PAWR: variants seen among roughly 807,000 people sequenced by gnomAD.
PAWR encodes the protein pro-apoptotic WT1 regulator.
In PAWR, 23 loss-of-function variants were observed where a neutral mutation model predicts 32.0. That is an observed-to-expected ratio of 0.72 (90% CI 0.52 to 1.02). The LOEUF (loss-of-function observed/expected upper bound fraction) is 1.02, where lower values mean the gene tolerates loss of function less well. Ranked by LOEUF, PAWR falls within the 50% of genes least tolerant of loss-of-function variation. The probability of loss-of-function intolerance (pLI) is 0.00; values close to 1 mark genes in which losing one functional copy is unlikely to be tolerated. For synonymous variants in PAWR, 226 were observed against 187.1 expected, an observed-to-expected ratio of 1.21 and a Z score of -1.70; for missense variants, 457 against 437.7, an observed-to-expected ratio of 1.04 and a Z score of -0.39.
intron 2 of PAWR, among the ~76,000 whole-genome samples, chr12:79,662,652 GAAGCCCAGCTCTT>G (rs1337170769): frequency 6.6e-6 from 1 of 152,150 alleles, no homozygotes; most frequent in Non-Finnish European, 1.5e-5. Flanking sequence ...CAAAAAAGCA[GAAGCCCAGCTCTT>G]TATGGATTCC....
chr12:79,675,008 C>T (rs984229553), intron 2 of PAWR, among the ~76,000 whole-genome samples: 1 of 152,112 alleles, frequency 6.6e-6, no homozygotes. Flanking sequence ...GGAGATTTCT[C>T]AATGAACTTA....
intron 4 of PAWR, among the ~76,000 whole-genome samples, chr12:79,605,343 A>T (rs1874130211): frequency 6.6e-6 from 1 of 152,216 alleles, no homozygotes; most frequent in Admixed American, 6.5e-5. Context: ...CCTGAGAGCT[A>T]GACAAGTCCA....
chr12:79,651,124 G>C (rs1285509629), intron 2 of PAWR, among the ~76,000 whole-genome samples: 1 of 152,182 alleles, frequency 6.6e-6, no homozygotes, highest in Non-Finnish European at 1.5e-5. Context: ...GGGTGCTGGA[G>C]TAAATGGCCT....
intron 2 of PAWR, among the ~76,000 whole-genome samples, chr12:79,661,388 C>T (rs1264552112): frequency 6.6e-6 from 1 of 151,946 alleles, no homozygotes; most frequent in Non-Finnish European, 1.5e-5. Flanking sequence ...CATTAACAAC[C>T]TTGAAAGAAA....
intron 2 of PAWR, among the ~76,000 whole-genome samples, chr12:79,630,950 TA>T (rs917310079): frequency 6.6e-6 from 1 of 151,334 alleles, no homozygotes; most frequent in African/African-American, 2.4e-5. Context: ...AATTTTAGCA[TA>T]AAAAATGCAA....
intron 2 of PAWR, among the ~76,000 whole-genome samples, chr12:79,623,062 T>C (rs547476374): frequency 1.3e-5 from 2 of 152,210 alleles, no homozygotes; most frequent in East Asian, 3.9e-4. Context: ...GGGAAGAACC[T>C]GGAAATAGCA....
At chr12:79,643,344 G>A (rs1876420708) in intron 2 of PAWR, among the ~76,000 whole-genome samples, 1 of 152,014 alleles carries the variant, frequency 6.6e-6, no homozygotes, top group Non-Finnish European at 1.5e-5. Context: ...AAGAAGTAAT[G>A]AAAATATACA....
intron 4 of PAWR, chr12:79,604,665 C>G: frequency 1.6e-6 from 2 of 1,288,692 alleles, no homozygotes; most frequent in Non-Finnish European, 2.0e-6. Flanking sequence ...TCTTCACCCT[C>G]CAACACTCCC....
chr12:79,684,476 T>A (rs1450339675), intron 2 of PAWR, among the ~76,000 whole-genome samples: 1 of 152,018 alleles, frequency 6.6e-6, no homozygotes, highest in African/African-American at 2.4e-5. Context: ...CCAGGCATGG[T>A]GGTGCACACC....
chr12:79,689,533 T>C lies in PAWR; in HGVS notation c.516+196A>G, dbSNP rs1030280300. Among the ~76,000 whole-genome samples, 5 of 152,260 alleles carry C rather than the reference T, an allele frequency of 3.3e-5. No individual in the cohort carries two copies. In the South Asian group the frequency reaches 8.3e-4, roughly 25 times the overall value. ...GAAGCCTGAAAAGCACGTGTCCTAC[T>C]CTGAGTTTGGGGAACTTCCCAGGAA... On this transcript the variant is annotated intron_variant, in intron 2 of 6. Coordinates refer to ENST00000328827, the MANE Select transcript of PAWR (RefSeq NM_002583.4).
intron 2 of PAWR, among the ~76,000 whole-genome samples, chr12:79,684,786 T>A (rs1406377690): frequency 6.6e-6 from 1 of 152,258 alleles, no homozygotes; most frequent in Non-Finnish European, 1.5e-5. Flanking sequence ...GGGCTATTTT[T>A]AAATTCCATA....
intron 2 of PAWR, among the ~76,000 whole-genome samples, chr12:79,635,883 C>T (rs889422815): frequency 6.6e-6 from 1 of 152,044 alleles, no homozygotes; most frequent in Non-Finnish European, 1.5e-5. Context: ...GTATGTTGCA[C>T]ATATTCAATA....
chr12:79,660,220 T>C (rs1877283719), intron 2 of PAWR, among the ~76,000 whole-genome samples: 2 of 152,064 alleles, frequency 1.3e-5, no homozygotes, highest in South Asian at 2.1e-4. Context: ...CCAAGGAAAA[T>C]GAAATGAGGG....
At chr12:79,597,279 G>A (rs994933440) in intron 4 of PAWR, among the ~76,000 whole-genome samples, 1 of 151,916 alleles carries the variant, frequency 6.6e-6, no homozygotes, top group African/African-American at 2.4e-5. Context: ...TGCCCAGGCT[G>A]GTCTCAAACT....
At chr12:79,634,064 T>C (rs1875844196) in intron 2 of PAWR, among the ~76,000 whole-genome samples, 1 of 152,188 alleles carries the variant, frequency 6.6e-6, no homozygotes, top group African/African-American at 2.4e-5. Context: ...TACATCTGTA[T>C]ATGATTGAAA....
intron 2 of PAWR, among the ~76,000 whole-genome samples, chr12:79,631,592 C>G (rs1243093240): frequency 6.6e-6 from 1 of 152,038 alleles, no homozygotes; most frequent in East Asian, 1.9e-4. Context: ...ACACTATACC[C>G]TTACATTACA....
chr12:79,610,738 A>G (rs2136694893), intron 4 of PAWR, among the ~76,000 whole-genome samples: 1 of 151,240 alleles, frequency 6.6e-6, no homozygotes, highest in Admixed American at 6.6e-5. Flanking sequence ...GGCAACATAG[A>G]GAGATTCTGT....
At chr12:79,622,731 C>G (rs1875086261) in intron 2 of PAWR, among the ~76,000 whole-genome samples, 1 of 152,016 alleles carries the variant, frequency 6.6e-6, no homozygotes, top group African/African-American at 2.4e-5. Flanking sequence ...ATCAACCTGC[C>G]AAGAGTGGGG....
At chr12:79,614,893 G>A (rs1592502145) in intron 3 of PAWR, among the ~76,000 whole-genome samples, 2 of 152,316 alleles carry the variant, frequency 1.3e-5, no homozygotes, top group Non-Finnish European at 2.9e-5. Flanking sequence ...AGGCTACTCC[G>A]TAGCTAGGAG....
Sources: gnomAD v4.1 joint callset for allele counts (sites outside exome capture counted in the v4.1 genomes callset) on GRCh38, gnomAD v4.1.1 for gene constraint, MANE v1.5 for transcripts, NCBI Gene and HGNC (gene_info 2026-07-23, HGNC 2026-07-21) for gene names.